CSMD1: variants seen among roughly 807,000 people sequenced by gnomAD.
CSMD1 encodes the protein CUB and Sushi multiple domains 1.
In CSMD1, 213 loss-of-function variants were observed where a neutral mutation model predicts 417.5. That is an observed-to-expected ratio of 0.51 (90% CI 0.46 to 0.57). CSMD1 has a LOEUF of 0.57. Ranked by LOEUF, CSMD1 falls within the 20% of genes least tolerant of loss-of-function variation. The pLI is 0.00. For synonymous variants in CSMD1, 2,862 were observed against 1,736.8 expected (o/e 1.65, Z -16.11); for missense variants, 6,923 against 4,529.7 (o/e 1.53, Z -15.17).
chr8:4,728,382 G>C (rs6983988), intron 1 of CSMD1, among the ~76,000 whole-genome samples: 1 of 151,906 alleles, frequency 6.6e-6, no homozygotes, highest in Non-Finnish European at 1.5e-5. Context: ...TATAAGGGAC[G>C]TATTTAGGGG....
chr8:3,708,348 C>T (rs570470856), intron 7 of CSMD1, 66 bp downstream of exon 7: 1 of 1,372,822 alleles, frequency 7.3e-7, no homozygotes, highest in East Asian at 2.3e-5. Flanking sequence ...CGCTTCTTAA[C>T]TGCTCCATTC....
At chr8:3,641,393 T>C (rs1797301862) in intron 7 of CSMD1, among the ~76,000 whole-genome samples, 1 of 152,094 alleles carries the variant, frequency 6.6e-6, no homozygotes, top group Non-Finnish European at 1.5e-5. Context: ...ACTGAGCAGA[T>C]CTTAGAAGCA....
At chr8:3,169,249 G>C (rs192615655) in intron 37 of CSMD1, among the ~76,000 whole-genome samples, 2 of 152,290 alleles carry the variant, frequency 1.3e-5, no homozygotes, top group East Asian at 1.9e-4. Context: ...GGAGAAACCA[G>C]AGGAGACAAG....
intron 2 of CSMD1, among the ~76,000 whole-genome samples, chr8:4,480,187 C>CAAAAAA (rs763375040): frequency 6.0e-4 from 62 of 103,782 alleles, no homozygotes; most frequent in African/African-American, 2.0e-3. Flanking sequence ...TGTTATCTCA[C>CAAAAAA]AAAAAAAAAA....
chr8:4,577,655 T>A (rs567517129), intron 2 of CSMD1, among the ~76,000 whole-genome samples: 2 of 152,208 alleles, frequency 1.3e-5, no homozygotes, highest in South Asian at 4.1e-4. Flanking sequence ...AGTTTCTCTA[T>A]GAAAGCTTCC....
chr8:3,813,993 G>A (rs779594007), intron 5 of CSMD1, among the ~76,000 whole-genome samples: 1 of 152,170 alleles, frequency 6.6e-6, no homozygotes, highest in Non-Finnish European at 1.5e-5. Context: ...AGTAAAAGGA[G>A]AACCGTTCAA....
intron 2 of CSMD1, among the ~76,000 whole-genome samples, chr8:4,453,620 G>A (rs562404981): frequency 3.3e-5 from 5 of 152,174 alleles, no homozygotes; most frequent in African/African-American, 9.6e-5. Flanking sequence ...ACAGTGCTGA[G>A]AAATGTATAG....
intron 6 of CSMD1, among the ~76,000 whole-genome samples, chr8:3,743,443 T>C (rs1022851777): frequency 5.3e-5 from 8 of 152,198 alleles, no homozygotes; most frequent in Non-Finnish European, 1.2e-4. Context: ...ATAAGTATTA[T>C]GTGGAGACTT....
At chr8:3,836,748 G>A (rs919039656) in intron 5 of CSMD1, among the ~76,000 whole-genome samples, 4 of 151,456 alleles carry the variant, frequency 2.6e-5, no homozygotes, top group African/African-American at 7.3e-5. Context: ...TGAAATTCAG[G>A]GCAAAAAAAT....
At chr8:4,008,903 C>G (rs1816341934) in intron 4 of CSMD1, among the ~76,000 whole-genome samples, 1 of 152,102 alleles carries the variant, frequency 6.6e-6, no homozygotes, top group Non-Finnish European at 1.5e-5. Context: ...AGCCACCGCG[C>G]CCAGTCTGAT....
chr8:4,043,470 G>A (rs961353501), intron 3 of CSMD1, among the ~76,000 whole-genome samples: 1 of 152,152 alleles, frequency 6.6e-6, no homozygotes, highest in Non-Finnish European at 1.5e-5. Context: ...TACACCCAGT[G>A]TTATGTTGTC....
intron 5 of CSMD1, among the ~76,000 whole-genome samples, chr8:3,814,245 G>T (rs567604962): frequency 6.6e-6 from 1 of 152,220 alleles, no homozygotes; most frequent in East Asian, 1.9e-4. Flanking sequence ...ATAGAAATGC[G>T]ATCTTGCTTA....
intron 3 of CSMD1, among the ~76,000 whole-genome samples, chr8:4,159,521 G>A (rs1272040965): frequency 6.6e-6 from 1 of 152,242 alleles, no homozygotes; most frequent in Non-Finnish European, 1.5e-5. Flanking sequence ...ATATATGATG[G>A]AATACCACTC....
chr8:3,994,623 TAA>T (rs1180634539), intron 5 of CSMD1, among the ~76,000 whole-genome samples: 1 of 150,606 alleles, frequency 6.6e-6, no homozygotes. Context: ...TCCGACTAGT[TAA>T]AAAAAAAAGT....
rs200148041 is a variant in CSMD1, at chr8:4,793,616, C to CA, written c.86-156059dup. 4.3e-3 allele frequency among the ~76,000 whole-genome samples: 634 copies of CA among 147,948 alleles called. 11 individuals carry two copies. The highest frequency in any genetic ancestry group is 0.038 in the East Asian group (193 of 5,118). On this transcript the variant is annotated intron_variant, in intron 1 of 69. Transcript: ENST00000635120. ...GGCATTGCTCACTATCATACTGTTTCAAAAAAAAATACAGCACTAATTATT... is the reference window on the plus strand; with the variant it reads ...GGCATTGCTCACTATCATACTGTTTCAAAAAAAAAATACAGCACTAATTATT...
chr8:4,677,810 G>C (rs1805789142), intron 1 of CSMD1, among the ~76,000 whole-genome samples: 1 of 152,064 alleles, frequency 6.6e-6, no homozygotes, highest in Admixed American at 6.6e-5. Context: ...GACAAAAGAA[G>C]AACAAAAAGG....
At chr8:4,295,740 A>ATC (rs1797641505) in intron 3 of CSMD1, among the ~76,000 whole-genome samples, 1 of 33,006 alleles carries the variant, frequency 3.0e-5, no homozygotes, top group Non-Finnish European at 5.0e-5. Context: ...GTGTGTGTAT[A>ATC]TGTGTGTGTG....
chr8:4,798,367 T>C (rs181022825), intron 1 of CSMD1, among the ~76,000 whole-genome samples: 22 of 152,328 alleles, frequency 1.4e-4, no homozygotes, highest in African/African-American at 5.1e-4. Context: ...CTGCATAGTA[T>C]TCCATGGTGT....
intron 25 of CSMD1, among the ~76,000 whole-genome samples, chr8:3,304,409 T>TATTATGTACTTCTAATTATGG (rs1270909505): frequency 6.6e-6 from 1 of 152,162 alleles, no homozygotes; most frequent in Non-Finnish European, 1.5e-5. Context: ...AATTTTAGTA[T>TATTATGTACTTCTAATTATGG]ATTATGTACT....
Sources: allele counts gnomAD v4.1 joint callset (sites outside exome capture counted in the v4.1 genomes callset), GRCh38; gene constraint gnomAD v4.1.1; transcripts MANE v1.5; gene names NCBI Gene and HGNC (gene_info 2026-07-23, HGNC 2026-07-21).